The following SLC8A1 variants were observed in gnomAD, a reference collection of about 807,000 sequenced individuals.
SLC8A1 encodes solute carrier family 8 member A1, also known as sodium/calcium exchanger 1.
Under a neutral mutation model 68.3 loss-of-function variants are expected in SLC8A1, and 18 were observed. The observed-to-expected ratio is 0.26, with a 90% CI of 0.18 to 0.39. The LOEUF (loss-of-function observed/expected upper bound fraction) is 0.39, where lower values mean the gene tolerates loss of function less well. Ranked by LOEUF, SLC8A1 falls within the 10% of genes least tolerant of loss-of-function variation. The probability of loss-of-function intolerance (pLI) is 1.00; values close to 1 mark genes in which losing one functional copy is unlikely to be tolerated. For synonymous variants in SLC8A1, 475 were observed against 415.5 expected (o/e 1.14, Z -1.74); for missense variants, 985 against 1,156.7 (o/e 0.85, Z 2.15).
chr2:40,503,227 T>C (rs1706153539), intron 1 of SLC8A1, among the ~76,000 whole-genome samples: 1 of 152,062 alleles, frequency 6.6e-6, no homozygotes, highest in South Asian at 2.1e-4. Flanking sequence ...TAATTTTCCC[T>C]TTTCTCTAGA....
intron 1 of SLC8A1, among the ~76,000 whole-genome samples, chr2:40,438,327 T>G (rs1485617177): frequency 6.6e-6 from 1 of 152,130 alleles, no homozygotes; most frequent in African/African-American, 2.4e-5. Flanking sequence ...CAAAAAGGAT[T>G]TTCTACCTAA....
intron 2 of SLC8A1, among the ~76,000 whole-genome samples, chr2:40,228,953 A>G (rs536143887): frequency 1.3e-5 from 2 of 152,308 alleles, no homozygotes; most frequent in South Asian, 4.1e-4. Context: ...TTTATTAACC[A>G]TAAGAAAGGA....
chr2:40,323,104 T>A (rs960097011), intron 2 of SLC8A1, among the ~76,000 whole-genome samples: 1 of 152,152 alleles, frequency 6.6e-6, no homozygotes, highest in African/African-American at 2.4e-5. Context: ...ACAGAAATAT[T>A]CTTATTTGTA....
chr2:40,450,211 T>G (rs1702180041), intron 1 of SLC8A1, among the ~76,000 whole-genome samples: 1 of 152,174 alleles, frequency 6.6e-6, no homozygotes. Context: ...ACACAGGATT[T>G]GAAAGAGGAA....
intron 6 of SLC8A1, among the ~76,000 whole-genome samples, chr2:40,144,016 G>A (rs540995749): frequency 6.6e-6 from 1 of 152,264 alleles, no homozygotes; most frequent in East Asian, 1.9e-4. Flanking sequence ...AGCTGTTGTG[G>A]GGATTGGAAG....
At chr2:40,408,007 C>T (rs1280689150) in intron 2 of SLC8A1, among the ~76,000 whole-genome samples, 1 of 152,194 alleles carries the variant, frequency 6.6e-6, no homozygotes, top group Non-Finnish European at 1.5e-5. Context: ...CATCACAGAG[C>T]ATATCCCATA....
At chr2:40,405,598 G>T (rs1293413388) in intron 2 of SLC8A1, among the ~76,000 whole-genome samples, 1 of 152,136 alleles carries the variant, frequency 6.6e-6, no homozygotes, top group Non-Finnish European at 1.5e-5. Flanking sequence ...TTGCATTCCA[G>T]CACTTACTTG....
chr2:40,255,402 T>A (rs979166686), intron 2 of SLC8A1, among the ~76,000 whole-genome samples: 1 of 152,184 alleles, frequency 6.6e-6, no homozygotes, highest in Non-Finnish European at 1.5e-5. Context: ...CTATCATCTC[T>A]CATCATGTAT....
upstream of SLC8A1, among the ~76,000 whole-genome samples, chr2:40,456,939 T>C (rs1242201345): frequency 1.3e-5 from 2 of 152,220 alleles, no homozygotes; most frequent in African/African-American, 4.8e-5. Context: ...AAAAAGCTGC[T>C]TGTGAACTTT....
intron 2 of SLC8A1, among the ~76,000 whole-genome samples, chr2:40,206,775 A>G (rs1038134419): frequency 6.6e-6 from 1 of 152,026 alleles, no homozygotes; most frequent in Non-Finnish European, 1.5e-5. Context: ...AGAATCAGAT[A>G]TGTTTCTGAA....
At chr2:40,445,575 T>G (rs758813034) in intron 1 of SLC8A1, among the ~76,000 whole-genome samples, 2 of 152,242 alleles carry the variant, frequency 1.3e-5, no homozygotes, top group Non-Finnish European at 2.9e-5. Context: ...TTTGCTTATT[T>G]GTAAAATATA....
rs868604784 is a variant in SLC8A1 at position 40,207,912 on chromosome 2, G to C, written c.1809-30057C>G. ...AGGCACCAAAATATGTGCTAGGGCT[G>C]CACATATTCAAAGTATGCTGCAGCT... On this transcript the variant is annotated intron_variant, in intron 2 of 7. Transcript: ENST00000406785. 2.0e-5 allele frequency among the ~76,000 whole-genome samples: 3 copies of C among 152,102 alleles called. No individual in the cohort carries two copies. In the South Asian group the frequency reaches 6.2e-4, roughly 31 times the overall value.
Position 40,261,776 on chromosome 2 carries a change from G to C in SLC8A1, c.1809-83921C>G, listed in dbSNP as rs569043840. 6.2e-4 allele frequency among the ~76,000 whole-genome samples: 95 copies of C among 152,238 alleles called. 1 individual carries two copies. Among genetic ancestry groups the C allele is most frequent in the African/African-American group, 1.8e-3 (74 of 41,560 alleles). ...CGTTGCACTGTGCTTTTCAGTAAGT[G>C]TGAACATTTTCCTTCGCATGTCTTT... On this transcript the variant is annotated intron_variant, in intron 2 of 7. Coordinates refer to ENST00000406785, the Ensembl canonical transcript of SLC8A1.
chr2:40,503,071 C>CA (rs1706145578), intron 1 of SLC8A1, among the ~76,000 whole-genome samples: 2 of 151,936 alleles, frequency 1.3e-5, no homozygotes, highest in Non-Finnish European at 2.9e-5. Flanking sequence ...GTATATGGGT[C>CA]AATTCCATTT....
At position 40,112,525 on chromosome 2, in the gene SLC8A1, T is replaced by C. The variant is rs970269308; in HGVS notation, c.*2728A>G. ...ATTTCTTAAAGTTCTCTGTGAAAAT[T>C]TGCTACAGGATTATTGACATTCCTA... On this transcript the variant is annotated 3_prime_UTR_variant, in exon 8 of 8. Coordinates refer to ENST00000406785, the Ensembl canonical transcript of SLC8A1. The C allele has an allele frequency of 1.0e-4, 16 of 152,682 alleles. 1 individual carries two copies. The highest frequency in any genetic ancestry group is 6.5e-4 in the Admixed American group (10 of 15,272). The allele number at this position is 152,682 out of a possible 1,614,324, so 9.5% of individuals were successfully genotyped here. A position where few individuals can be genotyped will look rare whatever the true frequency, so the allele number is the denominator to read the frequency against.
exon 8 of SLC8A1, chr2:40,111,624 A>G (rs189678605): frequency 6.6e-6 from 1 of 152,218 alleles, no homozygotes; most frequent in East Asian, 1.9e-4. Context: ...TTTTTTCCCC[A>G]CAAATGCTTA....
intron 2 of SLC8A1, among the ~76,000 whole-genome samples, chr2:40,252,822 A>AAAAT (rs1416157643): frequency 2.2e-5 from 3 of 137,988 alleles, no homozygotes; most frequent in East Asian, 2.1e-4. Context: ...ATACATATAT[A>AAAAT]TGTATATACA....
chr2:40,163,234 G>C (rs1181970914), intron 5 of SLC8A1, among the ~76,000 whole-genome samples: 1 of 152,198 alleles, frequency 6.6e-6, no homozygotes, highest in Non-Finnish European at 1.5e-5. Context: ...CTGCCTGGAA[G>C]ACTGTGCCCG....
chr2:40,428,338 G>T, intron 2 of SLC8A1, 135 bp downstream of exon 2: 2 of 1,369,632 alleles, frequency 1.5e-6, no homozygotes, highest in East Asian at 2.7e-5. Flanking sequence ...TCTTGAAAGG[G>T]ATCTTGTATA....
Sources: gnomAD v4.1 joint callset for allele counts (sites outside exome capture counted in the v4.1 genomes callset) on GRCh38, gnomAD v4.1.1 for gene constraint, MANE v1.5 for transcripts, NCBI Gene and HGNC (gene_info 2026-07-23, HGNC 2026-07-21) for gene names.